Variants in OSMR observed in about 807,000 individuals in gnomAD.
The protein encoded by OSMR is oncostatin-M-specific receptor subunit beta.
In OSMR, 81 loss-of-function variants were observed where a neutral mutation model predicts 99.9. The observed-to-expected ratio is 0.81, with a 90% CI of 0.68 to 0.97. OSMR has a LOEUF of 0.97. Among genes scored for constraint, OSMR ranks in the 50% least tolerant of loss-of-function variants. OSMR has a pLI of 0.00. For synonymous variants in OSMR, 406 were observed against 410.4 expected, an observed-to-expected ratio of 0.99 and a Z score of 0.13; for missense variants, 1,099 against 1,153.4, an observed-to-expected ratio of 0.95 and a Z score of 0.68.
In OSMR at chr5:38,924,534, T is replaced by C; in HGVS notation, c.1983T>C (p.His661=). ...AACCTGGTTTTATACAAGGGTACCA[T>C]GTCTATCTGAAATCCAAGGCGAGGC... ...ESQPGFIQGY[H]VYLKSKARQC... is the part of the protein sequence containing the mutation. Residue 661 remains histidine (H), a synonymous_variant, in exon 14 of 18, where the codon CAT becomes CAC. Transcript: ENST00000274276. 6.2e-7 allele frequency: 1 copy of C among 1,614,198 alleles called. No homozygotes were observed. Among genetic ancestry groups the C allele is most frequent in the Non-Finnish European group, 8.5e-7 (1 of 1,179,996 alleles).
chr5:38,932,000 G>A lies in OSMR; in HGVS notation c.2294+36G>A, dbSNP rs1746773465. 4.8e-6 allele frequency: 7 copies of A among 1,467,700 alleles called. No individual in the cohort carries two copies. In the South Asian group the frequency reaches 6.8e-5, roughly 14 times the overall value. 90.9% of individuals were successfully genotyped at this position (1,467,700 alleles called of 1,614,324 possible). A position where few individuals can be genotyped will look rare whatever the true frequency, so the allele number is the denominator to read the frequency against. Reference sequence around the variant, plus strand: ...GAGGAAGGTTTTATCCAAGAAGAGAGTAAGAGAAAAGTCTGGAAAGAGATT... The same window carrying A: ...GAGGAAGGTTTTATCCAAGAAGAGAATAAGAGAAAAGTCTGGAAAGAGATT... On this transcript the variant is annotated intron_variant, in intron 16 of 17. Coordinates refer to ENST00000274276, the MANE Select transcript of OSMR (RefSeq NM_003999.3).
intron 2 of OSMR, chr5:38,944,507 T>C: frequency 1.2e-6 from 2 of 1,612,376 alleles, no homozygotes; most frequent in South Asian, 1.1e-5. Flanking sequence ...ATGACTAATC[T>C]TAGAACTTCT....
intron 3 of OSMR, among the ~76,000 whole-genome samples, chr5:38,878,077 G>A (rs1351143474): frequency 2.0e-5 from 3 of 152,128 alleles, no homozygotes; most frequent in African/African-American, 2.4e-5. Context: ...TGTTGCTCCA[G>A]GTGACAGAGG....
intron 1 of OSMR, among the ~76,000 whole-genome samples, chr5:38,862,076 G>A (rs1159204508): frequency 1.2e-5 from 1 of 86,194 alleles, no homozygotes; most frequent in Non-Finnish European, 2.4e-5. Flanking sequence ...CCTCCCGGAC[G>A]GGGCGGCTGG....
intron 7 of OSMR, among the ~76,000 whole-genome samples, chr5:38,902,167 C>T (rs1013702891): frequency 2.6e-5 from 4 of 152,226 alleles, no homozygotes; most frequent in Non-Finnish European, 5.9e-5. Context: ...CTATTCTCCA[C>T]TCAGTATGTA....
chr5:38,932,994 C>T lies in OSMR; in HGVS notation c.2490C>T (p.Thr830=), dbSNP rs370458176. Residue 830 remains threonine (T), a synonymous_variant, in exon 18 of 18, where the codon ACC becomes ACT. Transcript: ENST00000274276. ...FLGTRKSLTE[T]ELTKPNYLYL... ...GCACTAGGAAGTCACTCACAGAAAC[C>T]GAGTTGACTAAGCCTAACTACCTTT... 37 of 1,613,952 alleles carry T rather than the reference C, an allele frequency of 2.3e-5. No individual in the cohort carries two copies. Among genetic ancestry groups the T allele is most frequent in the Admixed American group, 5.0e-5 (3 of 59,990 alleles).
intron 1 of OSMR, among the ~76,000 whole-genome samples, chr5:38,858,503 C>T (rs1215311127): frequency 6.6e-6 from 1 of 152,092 alleles, no homozygotes; most frequent in East Asian, 1.9e-4. Flanking sequence ...TTTTCTGTAT[C>T]ACTTGTCTGG....
At chr5:38,875,504 G>C (rs1742745319) in intron 2 of OSMR, among the ~76,000 whole-genome samples, 1 of 152,176 alleles carries the variant, frequency 6.6e-6, no homozygotes, top group Non-Finnish European at 1.5e-5. Context: ...CAGCAAATCT[G>C]TTTCATGTTT....
chr5:38,918,782 T>G, intron 10 of OSMR, 58 bp from the exon 11 acceptor site: 1 of 1,599,116 alleles, frequency 6.3e-7, no homozygotes, highest in Non-Finnish European at 8.5e-7. Flanking sequence ...AAAAAGGAGT[T>G]GTACAAATTC....
rs571850090 is a variant in OSMR, at chr5:38,903,814, T to C, written c.992-68T>C. The C allele has an allele frequency of 2.4e-4, 377 of 1,553,298 alleles. 1 individual carries two copies. The highest frequency in any genetic ancestry group is 3.2e-4 in the Non-Finnish European group (368 of 1,149,628). ...TGAACAAATAAATGAAGAAATAAAC[T>C]GCCTATTACCAATGTCTTTTTGGAT... On this transcript the variant is annotated intron_variant, in intron 7 of 17. Coordinates refer to ENST00000274276, the MANE Select transcript of OSMR (RefSeq NM_003999.3).
chr5:38,896,951 T>C (rs1196075580), intron 7 of OSMR, among the ~76,000 whole-genome samples: 2 of 152,088 alleles, frequency 1.3e-5, no homozygotes, highest in Admixed American at 1.3e-4. Flanking sequence ...ATGTAACACA[T>C]TTATTGATTT....
At chr5:38,914,186 G>A (rs1254287552) in intron 9 of OSMR, among the ~76,000 whole-genome samples, 1 of 152,168 alleles carries the variant, frequency 6.6e-6, no homozygotes, top group Admixed American at 6.5e-5. Context: ...CATAATTATG[G>A]AGGCTAGAAA....
At chr5:38,900,463 G>A (rs927690640) in intron 7 of OSMR, among the ~76,000 whole-genome samples, 5 of 152,162 alleles carry the variant, frequency 3.3e-5, no homozygotes, top group African/African-American at 9.7e-5. Flanking sequence ...CTGCAGGTGG[G>A]ACAATCGATG....
At chr5:38,888,681 T>C (rs1317386702) in intron 7 of OSMR, among the ~76,000 whole-genome samples, 2 of 152,220 alleles carry the variant, frequency 1.3e-5, no homozygotes, top group African/African-American at 2.4e-5. Flanking sequence ...TATATCATCA[T>C]TGTCAGAGCA....
At position 38,864,565 on chromosome 5, in the gene OSMR, T is replaced by G. The variant is rs1302941315; in HGVS notation, c.-13-4467T>G. Among the ~76,000 whole-genome samples the G allele has an allele frequency of 2.0e-5, 3 of 151,388 alleles. No individual in the cohort carries two copies. In the East Asian group the frequency reaches 5.8e-4, roughly 29 times the overall value. ...GTTTTTTTTTTTTTCTTTTAGTACT[T>G]AGAATATATCAGCCCCTTATCTCCT... On this transcript the variant is annotated intron_variant, in intron 1 of 17. Transcript: ENST00000274276.
At chr5:38,945,261 G>A (rs1182554799), downstream of OSMR, 2 of 613,886 alleles carry the variant, frequency 3.3e-6, no homozygotes, top group Non-Finnish European at 5.7e-6. Flanking sequence ...GGACAGGGCT[G>A]TTCACAGTGG....
At chr5:38,885,964 G>A (rs997470454) in intron 6 of OSMR, 75 bp from the exon 7 acceptor site, 39 of 1,581,514 alleles carry the variant, frequency 2.5e-5, no homozygotes, top group Non-Finnish European at 3.1e-5. Flanking sequence ...TATGCCCTGA[G>A]GGATAAGGGA....
chr5:38,886,390 C>T (rs541950116), intron 7 of OSMR, 200 bp downstream of exon 7: 4 of 1,394,680 alleles, frequency 2.9e-6, no homozygotes, highest in East Asian at 5.3e-5. Context: ...AATAATGTCA[C>T]GAGCACCAAT....
intron 10 of OSMR, 79 bp from the exon 11 acceptor site, chr5:38,918,761 C>A (rs1427058793): frequency 1.3e-6 from 2 of 1,572,560 alleles, no homozygotes; most frequent in Non-Finnish European, 1.7e-6. Context: ...AGTTGAGGGA[C>A]AGAAAAGATG....
Sources: allele counts gnomAD v4.1 joint callset (sites outside exome capture counted in the v4.1 genomes callset), GRCh38; gene constraint gnomAD v4.1.1; transcripts MANE v1.5; gene names NCBI Gene and HGNC (gene_info 2026-07-23, HGNC 2026-07-21).